The following FSD2 variants were observed in gnomAD, a reference collection of about 807,000 sequenced individuals.
The protein encoded by FSD2 is fibronectin type III and SPRY domain-containing protein 2.
Under a neutral mutation model 80.4 loss-of-function variants are expected in FSD2, and 71 were observed. The ratio of observed to expected loss-of-function variants is 0.88; its 90% CI spans 0.73 to 1.08. The LOEUF is 1.08. FSD2 is among the 50% of genes least tolerant of loss of function. The probability of loss-of-function intolerance (pLI) is 0.00; values close to 1 mark genes in which losing one functional copy is unlikely to be tolerated. For synonymous variants in FSD2, 361 were observed against 329.5 expected (o/e 1.10, Z -1.03); for missense variants, 923 against 913.8 (o/e 1.01, Z -0.13).
chr15:82,788,426 C>T (rs563118108), intron 1 of FSD2, among the ~76,000 whole-genome samples: 1 of 147,140 alleles, frequency 6.8e-6, no homozygotes, highest in Non-Finnish European at 1.5e-5. Context: ...ATCACTTGAG[C>T]CTTGAGGGGT....
At position 82,759,223 on chromosome 15, in the gene FSD2, A is replaced by T. The variant is rs964378735; in HGVS notation, c.*125T>A. The T allele has an allele frequency of 1.2e-5, 13 of 1,040,474 alleles. No individual in the cohort carries two copies. Among genetic ancestry groups the T allele is most frequent in the African/African-American group, 3.2e-5 (2 of 62,114 alleles). 64.5% of individuals were successfully genotyped at this position (1,040,474 alleles called of 1,614,324 possible). A position where few individuals can be genotyped will look rare whatever the true frequency, so the allele number is the denominator to read the frequency against. On this transcript the variant is annotated 3_prime_UTR_variant, in exon 13 of 13. Transcript: ENST00000334574. ...AAATGAGCGCTAGCACACCAGTCAG[A>T]TAATAGCATGAGCCATAAATTGTGC...
chr15:82,799,443 A>T (rs931527741), intron 1 of FSD2, among the ~76,000 whole-genome samples: 1 of 151,996 alleles, frequency 6.6e-6, no homozygotes, highest in African/African-American at 2.4e-5. Context: ...GCTCTAGGTG[A>T]TCTCATCCAG....
rs564537909 is a variant in FSD2 at position 82,763,321 on chromosome 15, T to C, written c.1821-1043A>G. Reference sequence around the variant, plus strand: ...TGGTGGAAAACTAAGATGGGAATAATGTAGTGGCTACAAGCTCACCTTCTA... The same window carrying C: ...TGGTGGAAAACTAAGATGGGAATAACGTAGTGGCTACAAGCTCACCTTCTA... On this transcript the variant is annotated intron_variant, in intron 11 of 12. Coordinates refer to ENST00000334574, the MANE Select transcript of FSD2 (RefSeq NM_001007122.4). Among the ~76,000 whole-genome samples, 5 of 152,352 alleles carry C rather than the reference T, an allele frequency of 3.3e-5. No individual in the cohort carries two copies. The East Asian group carries it at 9.6e-4, about 29-fold the overall frequency.
At chr15:82,765,327 C>A (rs755740847) in intron 10 of FSD2, 29 bp from the exon 11 acceptor site, 14 of 1,612,000 alleles carry the variant, frequency 8.7e-6, no homozygotes, top group Non-Finnish European at 1.1e-5. Flanking sequence ...ACAGAAGACC[C>A]GCAGCCAATC....
chr15:82,760,739 G>GCACA (rs141943507), intron 12 of FSD2, among the ~76,000 whole-genome samples: 25,927 of 150,070 alleles, frequency 0.17, 2,400 homozygotes, highest in East Asian at 0.32. Flanking sequence ...GTGCGTGCAC[G>GCACA]CACACACACA....
chr15:82,784,649 G>A (rs2151517153), intron 3 of FSD2, among the ~76,000 whole-genome samples: 1 of 152,236 alleles, frequency 6.6e-6, no homozygotes, highest in Non-Finnish European at 1.5e-5. Context: ...TCTTCCATGG[G>A]GGATTAGTGC....
At chr15:82,776,888 A>G (rs1351980653) in intron 6 of FSD2, among the ~76,000 whole-genome samples, 1 of 152,264 alleles carries the variant, frequency 6.6e-6, no homozygotes, top group African/African-American at 2.4e-5. Flanking sequence ...ACAGACACAT[A>G]GACCAATGAA....
chr15:82,795,200 C>G (rs570279668), intron 1 of FSD2, among the ~76,000 whole-genome samples: 47 of 152,150 alleles, frequency 3.1e-4, no homozygotes, highest in Admixed American at 2.9e-3. Context: ...TTGAATCTAA[C>G]GTGTGTATCT....
intron 1 of FSD2, among the ~76,000 whole-genome samples, chr15:82,802,064 G>T (rs567893087): frequency 2.0e-5 from 3 of 152,230 alleles, no homozygotes; most frequent in African/African-American, 7.2e-5. Flanking sequence ...TTATGGGGAG[G>T]TTACTACTAA....
chr15:82,793,097 C>T (rs548962845), intron 1 of FSD2, among the ~76,000 whole-genome samples: 2 of 152,118 alleles, frequency 1.3e-5, no homozygotes, highest in East Asian at 3.9e-4. Context: ...TATTGATATT[C>T]TTATTAATTT....
intron 5 of FSD2, among the ~76,000 whole-genome samples, chr15:82,779,117 AG>A (rs1292655492): frequency 6.6e-6 from 1 of 152,050 alleles, no homozygotes; most frequent in East Asian, 1.9e-4. Context: ...AGAAAGGGTA[AG>A]GTCATGTCAG....
chr15:82,757,017 T>TA lies in FSD2; in HGVS notation c.*2330dup, dbSNP rs1049992088. On this transcript the variant is annotated 3_prime_UTR_variant, in exon 13 of 13. Transcript: ENST00000334574. ...CAGGAATTGAGATTTTTTACAAAAA[T>TA]ACAAAAGTTTTGCTTGGTTCTGTTC... The TA allele has an allele frequency of 6.6e-6, 1 of 152,202 alleles. No individual in the cohort carries two copies. The highest frequency in any genetic ancestry group is 1.5e-5 in the Non-Finnish European group (1 of 68,026). The allele number at this position is 152,202 out of a possible 1,614,324, so 9.4% of individuals were successfully genotyped here.
chr15:82,770,421 C>T (rs558124833), intron 7 of FSD2, among the ~76,000 whole-genome samples: 4 of 152,346 alleles, frequency 2.6e-5, no homozygotes, highest in African/African-American at 7.2e-5. Context: ...CCTATAGTCC[C>T]AGCACTTTGG....
At chr15:82,778,729 T>C (rs759712669) in intron 6 of FSD2, 37 bp downstream of exon 6, 1 of 1,563,488 alleles carries the variant, frequency 6.4e-7, no homozygotes, top group African/African-American at 1.4e-5. Context: ...CTCTGGGTAG[T>C]CTGAACCTGC....
intron 1 of FSD2, among the ~76,000 whole-genome samples, chr15:82,792,660 G>T (rs1367371478): frequency 6.6e-6 from 1 of 152,138 alleles, no homozygotes; most frequent in Non-Finnish European, 1.5e-5. Flanking sequence ...TGTTGTTGCT[G>T]CTTGTGCTTT....
At chr15:82,802,333 G>A (rs779759761) in intron 1 of FSD2, among the ~76,000 whole-genome samples, 9 of 152,202 alleles carry the variant, frequency 5.9e-5, no homozygotes, top group Middle Eastern at 6.8e-3. Flanking sequence ...GTTTCCCTCC[G>A]ATGGTTCCCA....
In FSD2 at chr15:82,782,928, C is replaced by T; in HGVS notation, c.833G>A (p.Gly278Glu). The change falls in exon 4 of 13, where the codon GGG becomes GAG. Residue 278 changes from glycine to glutamate, a missense_variant. Transcript: ENST00000334574. ...QKYEEKIQAL[G>E]EKKKEKLEAL... is the part of the protein sequence containing the mutation. The stretch of plus-strand genomic sequence containing the variant: ...TTCCAGCTTCTCTTTCTTTTTCTCC[C>T]CTAGAGCTTGTATTTTTTCCTCATA... 1.5e-5 allele frequency: 24 copies of T among 1,613,838 alleles called. No individual in the cohort carries two copies. Among genetic ancestry groups the T allele is most frequent in the Non-Finnish European group, 2.0e-5 (24 of 1,179,820 alleles).
In FSD2 at chr15:82,762,074, A is replaced by G. The variant is rs2049306669; in HGVS notation, c.1997+28T>C. 2.0e-6 allele frequency: 3 copies of G among 1,530,204 alleles called. No individual in the cohort carries two copies. The South Asian group carries it at 3.8e-5, about 19-fold the overall frequency. The allele number at this position is 1,530,204 out of a possible 1,614,324, so 94.8% of individuals were successfully genotyped here. A position where few individuals can be genotyped will look rare whatever the true frequency, so the allele number is the denominator to read the frequency against. ...CTGTAATCTTTCAAAAGCAAATTTT[A>G]ATTGTGAGTATCCAGATTTTACTTT... On this transcript the variant is annotated intron_variant, in intron 12 of 12. Coordinates refer to ENST00000334574, the MANE Select transcript of FSD2 (RefSeq NM_001007122.4).
rs1108135 is a variant in FSD2, at chr15:82,759,441, G to T, written c.2157C>A (p.His719Gln). ...QHLYTFSCQL[H>Q]EFVHPCFSLE... ...AAGAAAAACAGGGATGCACAAATTC[G>T]TGAAGCTGACAACTAAATGTATATA... Residue 719 changes from histidine to glutamine, a missense_variant, in exon 13 of 13, where the codon CAC becomes CAA. By Grantham distance (24) the His-to-Gln change is conservative (BLOSUM62 0). Transcript: ENST00000334574. 4 of 1,613,234 alleles carry T rather than the reference G, an allele frequency of 2.5e-6. No homozygotes were observed. Among genetic ancestry groups the T allele is most frequent in the Non-Finnish European group, 3.4e-6 (4 of 1,179,626 alleles).
Sources: allele counts gnomAD v4.1 joint callset (sites outside exome capture counted in the v4.1 genomes callset), GRCh38; gene constraint gnomAD v4.1.1; transcripts MANE v1.5; gene names NCBI Gene and HGNC (gene_info 2026-07-23, HGNC 2026-07-21).